NDUFAF6: variants seen among roughly 807,000 people sequenced by gnomAD.
NDUFAF6 encodes NADH dehydrogenase (ubiquinone) complex I, assembly factor 6.
A neutral mutation model predicts 40.8 loss-of-function variants in NDUFAF6; 45 were observed. The ratio of observed to expected loss-of-function variants is 1.10; its 90% CI spans 0.87 to 1.42. The LOEUF (loss-of-function observed/expected upper bound fraction) is 1.42, where lower values mean the gene tolerates loss of function less well. Among genes scored for constraint, NDUFAF6 ranks in the 40% most tolerant of loss-of-function variants. NDUFAF6 has a pLI of 0.00. For synonymous variants in NDUFAF6, 185 were observed against 155.9 expected (o/e 1.19, Z -1.39); for missense variants, 435 against 418.5 (o/e 1.04, Z -0.34).
chr8:94,908,110 C>T (rs1200796747), intron 1 of NDUFAF6, among the ~76,000 whole-genome samples: 3 of 152,190 alleles, frequency 2.0e-5, no homozygotes, highest in African/African-American at 7.2e-5. Flanking sequence ...AAGTCTAAGT[C>T]CCATGACTTG....
intron 4 of NDUFAF6, among the ~76,000 whole-genome samples, chr8:95,109,685 T>G (rs1363743849): frequency 2.0e-5 from 3 of 152,218 alleles, no homozygotes; most frequent in Non-Finnish European, 4.4e-5. Flanking sequence ...CTTTGACCTC[T>G]TCTTATATCA....
At chr8:95,091,012 A>G (rs927672260) in intron 2 of NDUFAF6, among the ~76,000 whole-genome samples, 15 of 61,370 alleles carry the variant, frequency 2.4e-4, no homozygotes, top group African/African-American at 1.3e-3. Flanking sequence ...TAATAAACTC[A>G]TATATATATT....
chr8:94,959,978 C>A (rs920685860), intron 1 of NDUFAF6, among the ~76,000 whole-genome samples: 1 of 152,238 alleles, frequency 6.6e-6, no homozygotes, highest in Non-Finnish European at 1.5e-5. Flanking sequence ...TTTACTTCTA[C>A]AAACTCTCTT....
downstream of NDUFAF6, among the ~76,000 whole-genome samples, chr8:95,103,657 C>T (rs910848369): frequency 2.0e-5 from 3 of 152,208 alleles, no homozygotes; most frequent in Non-Finnish European, 4.4e-5. Flanking sequence ...TGCTGTAAAA[C>T]ATATGGCATA....
chr8:94,930,304 T>TA (rs1476012197), intron 1 of NDUFAF6: 17 of 811,264 alleles, frequency 2.1e-5, no homozygotes, highest in Non-Finnish European at 3.0e-5. Flanking sequence ...GGCAAGGCAT[T>TA]ATGTGATACA....
chr8:94,930,509 A>AT, intron 1 of NDUFAF6: 1 of 1,614,262 alleles, frequency 6.2e-7, no homozygotes, highest in Non-Finnish European at 8.5e-7. Flanking sequence ...GGCAGGGCTG[A>AT]TGAACAACCC....
chr8:94,949,399 C>A (rs1284451505), intron 2 of NDUFAF6: 1 of 151,304 alleles, frequency 6.6e-6, no homozygotes. Flanking sequence ...CCGCTCCGCT[C>A]GCCGTCGGGC....
intron 2 of NDUFAF6, chr8:94,989,388 T>C (rs1322063676): frequency 1.3e-5 from 2 of 152,200 alleles, no homozygotes; most frequent in Non-Finnish European, 1.5e-5. Flanking sequence ...TGCTTACAGC[T>C]CTGTGGATGA....
chr8:94,923,899 A>G lies in NDUFAF6; in HGVS notation c.-935-21584A>G, dbSNP rs190636645. On this transcript the variant is annotated intron_variant, in intron 1 of 14. Coordinates refer to the NDUFAF6 transcript ENST00000396113. Reference sequence around the variant, plus strand: ...TAGGCCGGGTTTCACCATGCTGGCCAGGCTGGTCTCAAACTCCTGACCTTG... The same window carrying G: ...TAGGCCGGGTTTCACCATGCTGGCCGGGCTGGTCTCAAACTCCTGACCTTG... 1.8e-4 allele frequency among the ~76,000 whole-genome samples: 27 copies of G among 149,148 alleles called. No individual in the cohort carries two copies. The East Asian group carries it at 5.3e-3, about 29-fold the overall frequency.
At chr8:94,904,320 CTTTTTTTTTTTTTTTTTTTTTTTTTTT>C (rs57749627) in intron 1 of NDUFAF6, among the ~76,000 whole-genome samples, 4 of 34,138 alleles carry the variant, frequency 1.2e-4, no homozygotes, top group African/African-American at 6.1e-4. Context: ...ATTTTTTTTG[CTTTTTTTTTTTTTTTTTTTTTTTTTTT>C]TTTTTTTTTT....
At chr8:95,012,261 C>G (rs1827254841) in intron 2 of NDUFAF6, among the ~76,000 whole-genome samples, 1 of 152,112 alleles carries the variant, frequency 6.6e-6, no homozygotes, top group Non-Finnish European at 1.5e-5. Flanking sequence ...TGTCTTCTTA[C>G]TGCTTTGTAA....
In NDUFAF6 at chr8:94,977,517, G is replaced by A. The variant is rs1248742129; in HGVS notation, c.-198-3342G>A. Among the ~76,000 whole-genome samples, 6 of 133,130 alleles carry A rather than the reference G, an allele frequency of 4.5e-5. No individual in the cohort carries two copies. In the East Asian group the frequency reaches 8.4e-4, roughly 19 times the overall value. The allele number at this position is 133,130 out of a possible 152,430, so 87.3% of individuals were successfully genotyped here. The stretch of plus-strand genomic sequence containing the variant: ...CAGCCTGAGCAAAGAGCAAGACCCT[G>A]TCTCTAAAAAAAAAAAAAAAAAAAA... On this transcript the variant is annotated intron_variant, in intron 1 of 9. Transcript: ENST00000396111.
At position 94,976,692 on chromosome 8, in the gene NDUFAF6, T is replaced by G. The variant is rs1023380330; in HGVS notation, c.-198-4167T>G. Among the ~76,000 whole-genome samples the G allele has an allele frequency of 8.6e-5, 13 of 151,066 alleles. No individual in the cohort carries two copies. In the East Asian group the frequency reaches 1.6e-3, roughly 18 times the overall value. On this transcript the variant is annotated intron_variant, in intron 1 of 9. Transcript: ENST00000396111. ...TCATCTAAAAAAAAAAAAATACTGA[T>G]GTTTGGAGAATGATGGTCATCAGAG...
chr8:95,083,553 C>G (rs1405857306), intron 2 of NDUFAF6, among the ~76,000 whole-genome samples: 1 of 152,024 alleles, frequency 6.6e-6, no homozygotes, highest in Admixed American at 6.6e-5. Context: ...ACCTTTGAAC[C>G]CTTTCTCAGA....
intron 1 of NDUFAF6, chr8:94,940,097 G>T (rs752824606): frequency 1.9e-6 from 3 of 1,614,194 alleles, no homozygotes; most frequent in East Asian, 4.5e-5. Context: ...GGAATCACTT[G>T]TATCAGCCAA....
chr8:95,066,446 T>A (rs561100209), intron 9 of NDUFAF6, among the ~76,000 whole-genome samples: 11 of 151,930 alleles, frequency 7.2e-5, no homozygotes, highest in African/African-American at 1.7e-4. Context: ...GAAATCACTT[T>A]TAAAAAAAAA....
At chr8:95,034,272 AC>A (rs1299754021) in intron 2 of NDUFAF6, 3 of 301,756 alleles carry the variant, frequency 9.9e-6, no homozygotes, top group Non-Finnish European at 2.0e-5. Flanking sequence ...ATCGCTATAA[AC>A]TTGATTGTGT....
chr8:94,963,566 C>T (rs1425337784), intron 1 of NDUFAF6, among the ~76,000 whole-genome samples: 1 of 152,210 alleles, frequency 6.6e-6, no homozygotes, highest in Non-Finnish European at 1.5e-5. Context: ...TTTCTTCTAC[C>T]CTTGAGGGCC....
intron 8 of NDUFAF6, among the ~76,000 whole-genome samples, chr8:95,056,083 C>G (rs559073716): frequency 9.2e-5 from 14 of 152,192 alleles, no homozygotes; most frequent in African/African-American, 3.4e-4. Context: ...CTATTGATGT[C>G]TTCTAGGACA....
Sources: gnomAD v4.1 joint callset for allele counts (sites outside exome capture counted in the v4.1 genomes callset) on GRCh38, gnomAD v4.1.1 for gene constraint, MANE v1.5 for transcripts, NCBI Gene and HGNC (gene_info 2026-07-23, HGNC 2026-07-21) for gene names.